Variants in ZNF385B observed in about 807,000 individuals in gnomAD.
The protein encoded by ZNF385B is zinc finger protein 533.
In ZNF385B, 23 loss-of-function variants were observed where a neutral mutation model predicts 39.2. That is an observed-to-expected ratio of 0.59 (90% confidence interval 0.42 to 0.83). ZNF385B has a LOEUF of 0.83. Among genes scored for constraint, ZNF385B ranks in the 40% least tolerant of loss-of-function variants. The probability of loss-of-function intolerance (pLI) is 0.00; values close to 1 mark genes in which losing one functional copy is unlikely to be tolerated. For synonymous variants in ZNF385B, 205 were observed against 222.6 expected (o/e 0.92, Z 0.70); for missense variants, 552 against 598.9 (o/e 0.92, Z 0.82).
intron 3 of ZNF385B, among the ~76,000 whole-genome samples, chr2:179,741,932 G>T (rs74679142): frequency 0.013 from 1,978 of 151,996 alleles, 39 homozygotes; most frequent in African/African-American, 0.044. Flanking sequence ...ACGGGTAGGG[G>T]AGAAGGCATT....
chr2:179,478,108 C>T (rs913929659), intron 6 of ZNF385B, among the ~76,000 whole-genome samples: 2 of 152,204 alleles, frequency 1.3e-5, no homozygotes, highest in African/African-American at 2.4e-5. Flanking sequence ...CATCCTGACT[C>T]TACTGGGATT....
chr2:179,521,889 C>T (rs1374821615), intron 4 of ZNF385B, among the ~76,000 whole-genome samples: 2 of 152,102 alleles, frequency 1.3e-5, no homozygotes, highest in African/African-American at 4.8e-5. Context: ...AACAGATTTC[C>T]TTTATTTTCC....
At chr2:179,680,727 T>A (rs745872385) in intron 3 of ZNF385B, among the ~76,000 whole-genome samples, 6 of 152,132 alleles carry the variant, frequency 3.9e-5, no homozygotes, top group Non-Finnish European at 8.8e-5. Context: ...CTTAAGAATG[T>A]TAAATATTAA....
chr2:179,719,608 C>A (rs1365762719), intron 3 of ZNF385B, among the ~76,000 whole-genome samples: 1 of 152,202 alleles, frequency 6.6e-6, no homozygotes, highest in Non-Finnish European at 1.5e-5. Flanking sequence ...TTCAGACTAA[C>A]TTTCATACAG....
intron 3 of ZNF385B, among the ~76,000 whole-genome samples, chr2:179,546,623 G>A (rs2060250201): frequency 6.6e-6 from 1 of 152,050 alleles, no homozygotes; most frequent in Admixed American, 6.6e-5. Flanking sequence ...CCATTCATCT[G>A]TTGATGGACA....
At chr2:179,854,257 A>G (rs1310473670) in intron 1 of ZNF385B, among the ~76,000 whole-genome samples, 1 of 152,178 alleles carries the variant, frequency 6.6e-6, no homozygotes, top group Non-Finnish European at 1.5e-5. Flanking sequence ...TTAATGCCAG[A>G]AGTTTTCTAC....
At chr2:179,745,411 G>T (rs181803436) in intron 3 of ZNF385B, among the ~76,000 whole-genome samples, 8 of 152,194 alleles carry the variant, frequency 5.3e-5, no homozygotes, top group Admixed American at 5.2e-4. Flanking sequence ...GTAGCAAATT[G>T]CATAATATCA....
At chr2:179,483,856 C>T (rs529391380) in intron 5 of ZNF385B, among the ~76,000 whole-genome samples, 10 of 152,258 alleles carry the variant, frequency 6.6e-5, no homozygotes, top group African/African-American at 1.9e-4. Context: ...CTGTTTGCCA[C>T]GTGTCTACTT....
At chr2:179,543,130 G>C (rs2105902139) in intron 4 of ZNF385B, among the ~76,000 whole-genome samples, 1 of 152,190 alleles carries the variant, frequency 6.6e-6, no homozygotes, top group East Asian at 1.9e-4. Flanking sequence ...AAATTAGCCA[G>C]GTGTGGTGGC....
At chr2:179,805,036 T>A (rs1706264190) in intron 1 of ZNF385B, among the ~76,000 whole-genome samples, 1 of 152,202 alleles carries the variant, frequency 6.6e-6, no homozygotes, top group African/African-American at 2.4e-5. Flanking sequence ...TCATGTTGAA[T>A]CTGGCCTTGG....
chr2:179,796,640 C>A (rs551933815), intron 1 of ZNF385B, among the ~76,000 whole-genome samples: 70 of 152,290 alleles, frequency 4.6e-4, no homozygotes, highest in African/African-American at 1.7e-3. Context: ...AGCAGGCTGA[C>A]TAGTTTTGGA....
intron 1 of ZNF385B, among the ~76,000 whole-genome samples, chr2:179,816,003 AACAC>A (rs151173257): frequency 6.7e-6 from 1 of 149,880 alleles, no homozygotes; most frequent in East Asian, 2.0e-4. Flanking sequence ...ACTTACATAT[AACAC>A]ACACACACAC....
intron 3 of ZNF385B, among the ~76,000 whole-genome samples, chr2:179,658,239 T>G (rs566021799): frequency 1.3e-5 from 2 of 152,322 alleles, no homozygotes; most frequent in African/African-American, 4.8e-5. Flanking sequence ...CAAGCGTAGG[T>G]GCTCTTTCCA....
At chr2:179,853,483 G>C (rs1684341322) in intron 1 of ZNF385B, among the ~76,000 whole-genome samples, 1 of 152,180 alleles carries the variant, frequency 6.6e-6, no homozygotes, top group African/African-American at 2.4e-5. Context: ...GTAGTGCTTA[G>C]AATTCCACAT....
At chr2:179,512,622 T>C (rs527259447) in intron 5 of ZNF385B, among the ~76,000 whole-genome samples, 3 of 152,310 alleles carry the variant, frequency 2.0e-5, no homozygotes, top group East Asian at 1.9e-4. Context: ...AGTTGCAGTA[T>C]ACTCAGTTAC....
At chr2:179,856,598 A>T (rs1684615491) in intron 1 of ZNF385B, among the ~76,000 whole-genome samples, 1 of 149,052 alleles carries the variant, frequency 6.7e-6, no homozygotes, top group African/African-American at 2.5e-5. Context: ...CCTGAAGAGA[A>T]TTTTAAGAAA....
chr2:179,549,462 AT>A (rs1268672326), intron 3 of ZNF385B, among the ~76,000 whole-genome samples: 1 of 149,216 alleles, frequency 6.7e-6, no homozygotes, highest in Non-Finnish European at 1.5e-5. Context: ...GAGGGTTCCA[AT>A]TTTTCCTGGC....
chr2:179,646,828 C>G (rs142309091), intron 3 of ZNF385B, among the ~76,000 whole-genome samples: 2 of 152,218 alleles, frequency 1.3e-5, no homozygotes, highest in East Asian at 3.9e-4. Context: ...CAAGAGTGTC[C>G]TACTCTGGGG....
At chr2:179,769,997 G>A (rs971554119) in intron 2 of ZNF385B, among the ~76,000 whole-genome samples, 195 bp from the exon 3 acceptor site, 1 of 152,054 alleles carries the variant, frequency 6.6e-6, no homozygotes. Context: ...TTGTGCCTGG[G>A]GGTTTTTGAA....
Sources: allele counts gnomAD v4.1 joint callset (sites outside exome capture counted in the v4.1 genomes callset), GRCh38; gene constraint gnomAD v4.1.1; transcripts MANE v1.5; gene names NCBI Gene and HGNC (gene_info 2026-07-23, HGNC 2026-07-21).